BAIAP2L1: variants seen among roughly 807,000 people sequenced by gnomAD.
BAIAP2L1 encodes the protein BAR/IMD domain containing adaptor protein 2 like 1.
A neutral mutation model predicts 66.3 loss-of-function variants in BAIAP2L1; 35 were observed. The observed-to-expected ratio is 0.53, with a 90% confidence interval of 0.40 to 0.70. The LOEUF (loss-of-function observed/expected upper bound fraction) is 0.70, where lower values mean the gene tolerates loss of function less well. Ranked by LOEUF, BAIAP2L1 falls within the 30% of genes least tolerant of loss-of-function variation. The probability of loss-of-function intolerance (pLI) is 0.00; values close to 1 mark genes in which losing one functional copy is unlikely to be tolerated. For synonymous variants in BAIAP2L1, 269 were observed against 248.7 expected, an observed-to-expected ratio of 1.08 and a Z score of -0.77; for missense variants, 622 against 656.9, an observed-to-expected ratio of 0.95 and a Z score of 0.58.
At chr7:98,337,168 A>T (rs963496321) in intron 3 of BAIAP2L1, among the ~76,000 whole-genome samples, 1 of 152,152 alleles carries the variant, frequency 6.6e-6, no homozygotes, top group African/African-American at 2.4e-5. Context: ...GAAGTGCTGG[A>T]AAGTGTGTGG....
chr7:98,339,557 G>A (rs537098631), intron 3 of BAIAP2L1, among the ~76,000 whole-genome samples: 6 of 152,304 alleles, frequency 3.9e-5, no homozygotes, highest in African/African-American at 1.4e-4. Context: ...ACCCTCCACC[G>A]TGGCACCATG....
At chr7:98,365,547 T>C (rs1309151951) in intron 1 of BAIAP2L1, among the ~76,000 whole-genome samples, 2 of 152,242 alleles carry the variant, frequency 1.3e-5, no homozygotes, top group Non-Finnish European at 2.9e-5. Context: ...CCTGGCTCAC[T>C]ACAACCTCGG....
intron 1 of BAIAP2L1, among the ~76,000 whole-genome samples, chr7:98,392,167 TAAAAAAA>T (rs5886065): frequency 8.3e-6 from 1 of 120,754 alleles, no homozygotes; most frequent in African/African-American, 3.1e-5. Flanking sequence ...ACCCCCTCGC[TAAAAAAA>T]AAAAAAAAAA....
chr7:98,343,236 G>A (rs1446998336), intron 3 of BAIAP2L1, among the ~76,000 whole-genome samples: 3 of 128,532 alleles, frequency 2.3e-5, no homozygotes, highest in Non-Finnish European at 4.9e-5. Flanking sequence ...TGTCTCTACT[G>A]GAAAAAAAAA....
chr7:98,336,858 A>C (rs1207384723), intron 3 of BAIAP2L1, among the ~76,000 whole-genome samples: 1 of 152,156 alleles, frequency 6.6e-6, no homozygotes, highest in African/African-American at 2.4e-5. Context: ...TGAATATTTC[A>C]CTATCCATGG....
chr7:98,355,778 T>C (rs571647886), intron 2 of BAIAP2L1, among the ~76,000 whole-genome samples: 1 of 152,188 alleles, frequency 6.6e-6, no homozygotes, highest in African/African-American at 2.4e-5. Flanking sequence ...CCAGAAATCT[T>C]TTCTGAGCTA....
At chr7:98,383,300 T>TC (rs1242188644) in intron 1 of BAIAP2L1, among the ~76,000 whole-genome samples, 2 of 141,094 alleles carry the variant, frequency 1.4e-5, no homozygotes, top group African/African-American at 2.6e-5. Flanking sequence ...TTTTTTTTTT[T>TC]CAGACAGAAT....
In BAIAP2L1 at chr7:98,339,285, TCTGA is replaced by T. The variant is rs1364779648; in HGVS notation, c.214+15753_214+15756del. Among the ~76,000 whole-genome samples the T allele has an allele frequency of 2.2e-4, 34 of 152,280 alleles. 1 individual carries two copies. Among genetic ancestry groups the T allele is most frequent in the East Asian group, 1.9e-4 (1 of 5,186 alleles). ...GCATCTTTGCCAACACTTGTTATTG[TCTGA>T]CTTTTTAATTGTGGCCACTCTATTG... is the stretch of plus-strand genomic sequence containing the variant. On this transcript the variant is annotated intron_variant, in intron 3 of 13. Transcript: ENST00000005260.
chr7:98,306,721 T>A, intron 10 of BAIAP2L1: 2 of 731,546 alleles, frequency 2.7e-6, no homozygotes, highest in Non-Finnish European at 4.2e-6. Context: ...AATTTTTTTT[T>A]AATAGAGACA....
Position 98,335,472 on chromosome 7 carries a change from C to A in BAIAP2L1, c.215-15174G>T, listed in dbSNP as rs140713466. ...TGTGTGTGTATATATTTCATCATCT[C>A]CTTTACTGCGTTGCAGGTATCTTGA... On this transcript the variant is annotated intron_variant, in intron 3 of 13. Coordinates refer to ENST00000005260, the MANE Select transcript of BAIAP2L1 (RefSeq NM_018842.5). Among the ~76,000 whole-genome samples, 878 of 152,286 alleles carry A rather than the reference C, an allele frequency of 5.8e-3. 5 individuals are homozygous for A. The highest frequency in any genetic ancestry group is 8.3e-3 in the Non-Finnish European group (564 of 68,026).
chr7:98,354,539 G>A (rs762517219), intron 3 of BAIAP2L1, among the ~76,000 whole-genome samples: 3 of 152,160 alleles, frequency 2.0e-5, no homozygotes, highest in Admixed American at 6.6e-5. Context: ...CCTCGGCAGC[G>A]GGCACTGCCC....
At chr7:98,305,038 TTGTTTTTTG>T (rs1298825008) in intron 11 of BAIAP2L1, among the ~76,000 whole-genome samples, 14 of 118,798 alleles carry the variant, frequency 1.2e-4, no homozygotes, top group African/African-American at 5.3e-4. Flanking sequence ...GCTAATTTTT[TTGTTTTTTG>T]TTTTTTTTTT....
rs182938623 is a variant in BAIAP2L1, at chr7:98,381,029, C to A, written c.52-18597G>T. ...AACATGGGTCCCAGACAGCTGGACACGCACCACTGGTCTGCAAAGCATTTA... is the reference window on the plus strand; with the variant it reads ...AACATGGGTCCCAGACAGCTGGACAAGCACCACTGGTCTGCAAAGCATTTA... On this transcript the variant is annotated intron_variant, in intron 1 of 13. Coordinates refer to ENST00000005260, the MANE Select transcript of BAIAP2L1 (RefSeq NM_018842.5). Among the ~76,000 whole-genome samples, 340 of 152,274 alleles carry A rather than the reference C, an allele frequency of 2.2e-3. 2 individuals are homozygous for A. The highest frequency in any genetic ancestry group is 2.8e-3 in the Non-Finnish European group (189 of 68,024).
At position 98,315,620 on chromosome 7, in the gene BAIAP2L1, A is replaced by ATT; in HGVS notation, c.487-9_487-8insAA. ...AGTAACGGTCTCCACATACTAAAAA[A>ATT]AAAAAAATAATAATAATAATAATTA... is the stretch of plus-strand genomic sequence containing the variant. On this transcript the variant is annotated splice_polypyrimidine_tract_variant and intron_variant, in intron 6 of 13. Coordinates refer to ENST00000005260, the MANE Select transcript of BAIAP2L1 (RefSeq NM_018842.5). 1.8e-6 allele frequency: 2 copies of ATT among 1,085,150 alleles called. No individual in the cohort carries two copies. The highest frequency in any genetic ancestry group is 2.4e-6 in the Non-Finnish European group (2 of 842,326). 67.2% of individuals were successfully genotyped at this position (1,085,150 alleles called of 1,614,324 possible). A position where few individuals can be genotyped will look rare whatever the true frequency, so the allele number is the denominator to read the frequency against.
At chr7:98,346,028 C>T (rs927445152) in intron 3 of BAIAP2L1, among the ~76,000 whole-genome samples, 13 of 151,908 alleles carry the variant, frequency 8.6e-5, no homozygotes, top group African/African-American at 1.7e-4. Context: ...TTTCTTTTTG[C>T]GGTGATGAAA....
At chr7:98,352,857 C>T (rs1802029467) in intron 3 of BAIAP2L1, among the ~76,000 whole-genome samples, 1 of 151,966 alleles carries the variant, frequency 6.6e-6, no homozygotes, top group Non-Finnish European at 1.5e-5. Flanking sequence ...GTGGCAGGAC[C>T]CATAAAACAT....
chr7:98,356,516 A>G (rs961093287), intron 2 of BAIAP2L1, among the ~76,000 whole-genome samples: 3 of 151,704 alleles, frequency 2.0e-5, no homozygotes, highest in Non-Finnish European at 2.9e-5. Flanking sequence ...ATTTTTTTAG[A>G]GGCAGAGTCT....
chr7:98,297,853 C>G (rs750803926), intron 12 of BAIAP2L1, among the ~76,000 whole-genome samples: 2 of 152,212 alleles, frequency 1.3e-5, no homozygotes, highest in African/African-American at 4.8e-5. Context: ...CTTGCTTTTA[C>G]AAAGGAGAGC....
chr7:98,388,844 C>T (rs548869960), intron 1 of BAIAP2L1, among the ~76,000 whole-genome samples: 1 of 151,840 alleles, frequency 6.6e-6, no homozygotes, highest in Non-Finnish European at 1.5e-5. Flanking sequence ...CTTGGCGGCA[C>T]GTGCCTGTAG....
Sources: allele counts gnomAD v4.1 joint callset (sites outside exome capture counted in the v4.1 genomes callset), GRCh38; gene constraint gnomAD v4.1.1; transcripts MANE v1.5; gene names NCBI Gene and HGNC (gene_info 2026-07-23, HGNC 2026-07-21).